RHCE: variants seen among roughly 807,000 people sequenced by gnomAD.
RHCE encodes the protein Rh blood group CcEe antigens.
Under a neutral mutation model 43.8 loss-of-function variants are expected in RHCE, and 22 were observed. The ratio of observed to expected loss-of-function variants is 0.50; its 90% CI spans 0.36 to 0.72. RHCE has a LOEUF of 0.72. Among genes scored for constraint, RHCE ranks in the 30% least tolerant of loss-of-function variants. The pLI is 0.00. For synonymous variants in RHCE, 156 were observed against 210.7 expected (o/e 0.74, Z 2.25); for missense variants, 385 against 525.4 (o/e 0.73, Z 2.61).
chr1:25,375,928 C>A (rs1645772511), intron 7 of RHCE, among the ~76,000 whole-genome samples: 1 of 150,094 alleles, frequency 6.7e-6, no homozygotes, highest in Admixed American at 6.7e-5. Flanking sequence ...GTAGCTGGGA[C>A]TACAGGCATG....
At chr1:25,421,178 A>G (rs2042755211), upstream of RHCE, among the ~76,000 whole-genome samples, 1 of 152,228 alleles carries the variant, frequency 6.6e-6, no homozygotes, top group Non-Finnish European at 1.5e-5. Context: ...TATTTTATAA[A>G]TAAGGAAACT....
At chr1:25,399,527 T>G (rs529793868) in intron 3 of RHCE, among the ~76,000 whole-genome samples, 1 of 152,134 alleles carries the variant, frequency 6.6e-6, no homozygotes, top group Non-Finnish European at 1.5e-5. Flanking sequence ...CCAGCTTTAG[T>G]ATGATTAGCA....
chr1:25,379,952 A>G (rs1337255739), intron 7 of RHCE, among the ~76,000 whole-genome samples: 3 of 152,066 alleles, frequency 2.0e-5, no homozygotes, highest in Non-Finnish European at 2.9e-5. Flanking sequence ...CACTGGGATT[A>G]CAGGCATGAA....
At chr1:25,370,635 GTC>G in intron 8 of RHCE, 95 bp from the exon 9 acceptor site, 2 of 1,093,150 alleles carry the variant, frequency 1.8e-6, no homozygotes, top group Admixed American at 3.8e-5. Flanking sequence ...AAACGACAGT[GTC>G]TCAACAGAAA....
upstream of RHCE, among the ~76,000 whole-genome samples, chr1:25,423,822 C>A (rs1437306368): frequency 1.3e-5 from 2 of 152,168 alleles, no homozygotes; most frequent in African/African-American, 4.8e-5. Flanking sequence ...TTTCACCGTA[C>A]AAGTCTTTCA....
chr1:25,413,680 C>T (rs1337585894), intron 1 of RHCE, among the ~76,000 whole-genome samples: 2 of 151,526 alleles, frequency 1.3e-5, no homozygotes, highest in East Asian at 1.9e-4. Context: ...CAGTACCCCA[C>T]GTTCCAGGCA....
intron 1 of RHCE, among the ~76,000 whole-genome samples, chr1:25,412,746 C>T (rs1400771274): frequency 4.1e-5 from 6 of 145,654 alleles, no homozygotes; most frequent in Non-Finnish European, 7.5e-5. Context: ...AAAAAAAGGC[C>T]GGGCACAGTG....
intron 7 of RHCE, among the ~76,000 whole-genome samples, chr1:25,379,479 ATATATATATATATATATTTTTTTTTTTTT>A (rs1376473131): frequency 1.9e-4 from 5 of 26,414 alleles, no homozygotes; most frequent in African/African-American, 1.0e-3. Context: ...ATATATATAT[ATATATATATATATATATTTTTTTTTTTTT>A]TTTTTTTTTT....
chr1:25,423,350 G>A (rs1016091732), upstream of RHCE, among the ~76,000 whole-genome samples: 1 of 152,176 alleles, frequency 6.6e-6, no homozygotes, highest in Non-Finnish European at 1.5e-5. Context: ...CTACCCGAGG[G>A]CACCAGATGT....
chr1:25,389,187 C>G, intron 5 of RHCE, 74 bp from the exon 6 acceptor site: 1 of 1,509,832 alleles, frequency 6.6e-7, no homozygotes, highest in Non-Finnish European at 9.1e-7. Context: ...GTGACCAGCA[C>G]GCTGGGAACA....
chr1:25,385,528 T>C (rs1646126291), intron 7 of RHCE, 183 bp downstream of exon 7: 1 of 893,674 alleles, frequency 1.1e-6, no homozygotes, highest in East Asian at 2.6e-5. Flanking sequence ...CCTGGAGAGG[T>C]GATAAATCCA....
intron 1 of RHCE, among the ~76,000 whole-genome samples, chr1:25,417,515 G>A (rs1268062353): frequency 5.3e-5 from 8 of 152,038 alleles, no homozygotes; most frequent in East Asian, 3.9e-4. Flanking sequence ...AAAAAATGTC[G>A]ATCTAATCAG....
chr1:25,420,487 T>C lies in RHCE; in HGVS notation c.148+152A>G, dbSNP rs947777922. 1.2e-5 allele frequency: 18 copies of C among 1,479,840 alleles called. No homozygotes were observed. In the African/African-American group the frequency reaches 2.2e-4, roughly 18 times the overall value. The allele number at this position is 1,479,840 out of a possible 1,614,324, so 91.7% of individuals were successfully genotyped here. A position where few individuals can be genotyped will look rare whatever the true frequency, so the allele number is the denominator to read the frequency against. On this transcript the variant is annotated intron_variant, in intron 1 of 9. Transcript: ENST00000294413. ...CTAAAGGAAAGCTTACATTGTTGAC[T>C]GAATTTCGGTGCAATCTACGGAAGA...
At position 25,389,093 on chromosome 1, in the gene RHCE, C is replaced by T. The variant is rs1176137298; in HGVS notation, c.822G>A (p.Val274=). ...KISMTYVHSA[V]LAGGVAVGTS... ...TACCCACAGCCACGCCTCCTGCCAACACCGCACTGTGCACATAAGTCTGCA... is the reference window on the plus strand; with the variant it reads ...TACCCACAGCCACGCCTCCTGCCAATACCGCACTGTGCACATAAGTCTGCA... The change falls in exon 6 of 10, where the codon GTG becomes GTA. Residue 274 remains valine (V), a synonymous_variant. Transcript: ENST00000294413. 1 of 1,614,162 alleles carries T rather than the reference C, an allele frequency of 6.2e-7. No homozygotes were observed. Among genetic ancestry groups the T allele is most frequent in the Admixed American group, 1.7e-5 (1 of 60,024 alleles).
intron 1 of RHCE, among the ~76,000 whole-genome samples, chr1:25,412,714 T>TAAAAA (rs1190942791): frequency 2.0e-5 from 2 of 100,420 alleles, no homozygotes; most frequent in African/African-American, 9.7e-5. Context: ...GACCCTTTTT[T>TAAAAA]TAAAAAAAAA....
In RHCE at chr1:25,385,922, T is replaced by C. The variant is rs1272481023; in HGVS notation, c.940-78A>G. The stretch of plus-strand genomic sequence containing the variant: ...ACCCACCCCTTTCACACACCCTTGG[T>C]ATCCGGCGCCACCAAATGGGGATGG... On this transcript the variant is annotated intron_variant, in intron 6 of 9. Coordinates refer to ENST00000294413, the MANE Select transcript of RHCE (RefSeq NM_020485.8). The C allele has an allele frequency of 2.5e-6, 4 of 1,610,310 alleles. No homozygotes were observed. In the East Asian group the frequency reaches 8.9e-5, roughly 36 times the overall value.
At chr1:25,386,176 A>G (rs530897375) in intron 6 of RHCE, among the ~76,000 whole-genome samples, 33 of 152,282 alleles carry the variant, frequency 2.2e-4, no homozygotes, top group African/African-American at 4.3e-4. Context: ...ATTCCTTGTG[A>G]TGGGGGCTGC....
Position 25,408,509 on chromosome 1 carries a change from C to G in RHCE, c.335+174G>C, listed in dbSNP as rs1430739071. On this transcript the variant is annotated intron_variant, in intron 2 of 9. Transcript: ENST00000294413. ...GCTGTCCAGTAAAATACAGGATGCC[C>G]AGTTAAATTTGAATTTTAAACAATG... Among the ~76,000 whole-genome samples, 2 of 122,904 alleles carry G rather than the reference C, an allele frequency of 1.6e-5. 1 individual carries two copies. The highest frequency in any genetic ancestry group is 3.7e-5 in the Non-Finnish European group (2 of 53,948). 80.6% of individuals were successfully genotyped at this position (122,904 alleles called of 152,430 possible).
chr1:25,420,983 G>A, upstream of RHCE: 2 of 749,460 alleles, frequency 2.7e-6, no homozygotes, highest in Non-Finnish European at 4.3e-6. Flanking sequence ...GGGAGGAAAT[G>A]TATGTTTTCC....
Sources: allele counts gnomAD v4.1 joint callset (sites outside exome capture counted in the v4.1 genomes callset), GRCh38; gene constraint gnomAD v4.1.1; transcripts MANE v1.5; gene names NCBI Gene and HGNC (gene_info 2026-07-23, HGNC 2026-07-21).